PPP4R1: variants seen among roughly 807,000 people sequenced by gnomAD.
PPP4R1 encodes protein phosphatase 4 regulatory subunit 1.
Under a neutral mutation model 111.2 loss-of-function variants are expected in PPP4R1, and 42 were observed. The ratio of observed to expected loss-of-function variants is 0.38; its 90% CI spans 0.29 to 0.49. The LOEUF is 0.49. Ranked by LOEUF, PPP4R1 falls within the 20% of genes least tolerant of loss-of-function variation. The pLI is 0.97. For missense variants in PPP4R1, 1,012 were observed against 1,161.6 expected (o/e 0.87, Z 1.87); for synonymous variants, 409 against 405.5 (o/e 1.01, Z -0.10).
chr18:9,603,166 C>G (rs1476910805), intron 2 of PPP4R1, among the ~76,000 whole-genome samples: 1 of 110,844 alleles, frequency 9.0e-6, no homozygotes, highest in Non-Finnish European at 1.8e-5. Flanking sequence ...TTCATTCAAC[C>G]AATTAGTAGT....
At chr18:9,601,261 G>A (rs1022020924) in intron 2 of PPP4R1, among the ~76,000 whole-genome samples, 3 of 150,636 alleles carry the variant, frequency 2.0e-5, no homozygotes, top group African/African-American at 7.3e-5. Flanking sequence ...GGTGGCTCAT[G>A]CCTGTAATCC....
upstream of PPP4R1, among the ~76,000 whole-genome samples, chr18:9,615,715 C>A (rs934910906): frequency 2.6e-5 from 4 of 152,216 alleles, no homozygotes; most frequent in African/African-American, 9.7e-5. Context: ...CATGGTGCCA[C>A]TTTGGCGATG....
chr18:9,564,882 T>C (rs1016989177), intron 11 of PPP4R1, among the ~76,000 whole-genome samples: 1 of 152,054 alleles, frequency 6.6e-6, no homozygotes, highest in Non-Finnish European at 1.5e-5. Context: ...TTGGAGTTAC[T>C]TGCAGAAAGC....
intron 11 of PPP4R1, among the ~76,000 whole-genome samples, chr18:9,569,038 A>G (rs9949507): frequency 0.2 from 30,293 of 151,750 alleles, 3,360 homozygotes; most frequent in East Asian, 0.49. Context: ...TCTCAAAAAA[A>G]AAAAAAAAGT....
At chr18:9,567,028 T>C (rs2066779432) in intron 11 of PPP4R1, among the ~76,000 whole-genome samples, 1 of 152,208 alleles carries the variant, frequency 6.6e-6, no homozygotes, top group Non-Finnish European at 1.5e-5. Context: ...AGTCTTATTA[T>C]TTCAGGAATA....
At chr18:9,601,751 C>A (rs2067387315) in intron 2 of PPP4R1, among the ~76,000 whole-genome samples, 1 of 152,000 alleles carries the variant, frequency 6.6e-6, no homozygotes, top group Admixed American at 6.6e-5. Flanking sequence ...CCCTGGCCTC[C>A]CAAAGTGCTG....
intron 11 of PPP4R1, 44 bp downstream of exon 11, chr18:9,570,112 AT>A (rs780009880): frequency 1.4e-6 from 2 of 1,475,856 alleles, no homozygotes; most frequent in African/African-American, 2.8e-5. Flanking sequence ...AGACACTAAT[AT>A]TTTTAATCAA....
At chr18:9,568,230 G>T (rs2066801882) in intron 11 of PPP4R1, among the ~76,000 whole-genome samples, 1 of 152,072 alleles carries the variant, frequency 6.6e-6, no homozygotes, top group Non-Finnish European at 1.5e-5. Context: ...TTGCTATGTT[G>T]CCCAAACTGG....
At chr18:9,582,771 C>T (rs2067051060) in intron 9 of PPP4R1, among the ~76,000 whole-genome samples, 1 of 152,132 alleles carries the variant, frequency 6.6e-6, no homozygotes, top group Non-Finnish European at 1.5e-5. Flanking sequence ...AAACCCTCAA[C>T]AAAATACTGA....
At chr18:9,562,260 G>T (rs2066691128) in intron 12 of PPP4R1, among the ~76,000 whole-genome samples, 185 bp from the exon 13 acceptor site, 1 of 152,036 alleles carries the variant, frequency 6.6e-6, no homozygotes, top group Non-Finnish European at 1.5e-5. Flanking sequence ...TGCTGAATAG[G>T]TTGTCAAGTG....
intron 10 of PPP4R1, among the ~76,000 whole-genome samples, chr18:9,576,120 C>T (rs1014986139): frequency 7.9e-5 from 12 of 152,024 alleles, no homozygotes; most frequent in African/African-American, 1.7e-4. Context: ...AGTAGGAGAA[C>T]GGGCAAAAAG....
At chr18:9,549,645 G>A (rs2066457073) in intron 18 of PPP4R1, among the ~76,000 whole-genome samples, 1 of 152,206 alleles carries the variant, frequency 6.6e-6, no homozygotes, top group African/African-American at 2.4e-5. Context: ...GTATATGTGT[G>A]CACAGTATGT....
chr18:9,596,585 AC>A (rs1226364733), intron 2 of PPP4R1, among the ~76,000 whole-genome samples: 1 of 149,068 alleles, frequency 6.7e-6, no homozygotes, highest in African/African-American at 2.5e-5. Context: ...TTCATCACTC[AC>A]AATGAGATTT....
chr18:9,574,254 T>C (rs184614441), intron 10 of PPP4R1, among the ~76,000 whole-genome samples: 35 of 152,300 alleles, frequency 2.3e-4, no homozygotes, highest in African/African-American at 7.5e-4. Flanking sequence ...AAGTGTCTTT[T>C]TGTGCCTACA....
Position 9,614,275 on chromosome 18 carries a change from G to T in PPP4R1, c.8-5C>A. On this transcript the variant is annotated splice_region_variant and splice_polypyrimidine_tract_variant and intron_variant, in intron 1 of 19. Coordinates refer to ENST00000400556, the MANE Select transcript of PPP4R1 (RefSeq NM_001042388.3). The surrounding 1 kb of genome is among the most constrained non-coding windows in gnomAD (Gnocchi z 4.1). ...CCTCCTGAAGCAGCGAGAGGTCTGC[G>T]CCGAGGGGAGAGAAGAAAGGCCCGG... 1 of 1,317,122 alleles carries T rather than the reference G, an allele frequency of 7.6e-7. No individual in the cohort carries two copies. The highest frequency in any genetic ancestry group is 9.8e-7 in the Non-Finnish European group (1 of 1,020,596). The allele number at this position is 1,317,122 out of a possible 1,614,324, so 81.6% of individuals were successfully genotyped here. A position where few individuals can be genotyped will look rare whatever the true frequency, so the allele number is the denominator to read the frequency against.
intron 10 of PPP4R1, among the ~76,000 whole-genome samples, chr18:9,571,728 G>C (rs775866770): frequency 7.2e-5 from 11 of 152,178 alleles, no homozygotes; most frequent in Non-Finnish European, 1.5e-4. Flanking sequence ...ACATGCAAAG[G>C]CCGGAGTGGC....
chr18:9,561,688 A>G (rs2066680189), intron 13 of PPP4R1, among the ~76,000 whole-genome samples: 2 of 152,218 alleles, frequency 1.3e-5, no homozygotes, highest in Non-Finnish European at 2.9e-5. Context: ...CTTCAATGAT[A>G]AAAAGAGGCA....
chr18:9,595,534 G>A (rs1252493641), intron 2 of PPP4R1, among the ~76,000 whole-genome samples: 1 of 152,170 alleles, frequency 6.6e-6, no homozygotes, highest in African/African-American at 2.4e-5. Flanking sequence ...TAAAGCTAAT[G>A]AAACTGGTAT....
At chr18:9,581,213 C>A (rs1222354070) in intron 9 of PPP4R1, among the ~76,000 whole-genome samples, 8 of 150,514 alleles carry the variant, frequency 5.3e-5, no homozygotes, top group Non-Finnish European at 1.2e-4. Context: ...AAGAGACAGG[C>A]AACAGAAACT....
Sources: allele counts gnomAD v4.1 joint callset (sites outside exome capture counted in the v4.1 genomes callset), GRCh38; gene constraint gnomAD v4.1.1; non-coding constraint Gnocchi (gnomAD v3.1); transcripts MANE v1.5; gene names NCBI Gene and HGNC (gene_info 2026-07-23, HGNC 2026-07-21).